FAAH: variants seen among roughly 807,000 people sequenced by gnomAD.
The protein encoded by FAAH is fatty acid amide hydrolase, also known as fatty-acid amide hydrolase 1.
A neutral mutation model predicts 69.7 loss-of-function variants in FAAH; 63 were observed. The ratio of observed to expected loss-of-function variants is 0.90; its 90% CI spans 0.74 to 1.12. FAAH has a LOEUF of 1.12. Among genes scored for constraint, FAAH ranks in the 50% most tolerant of loss-of-function variants. FAAH has a pLI of 0.00. For synonymous variants in FAAH, 305 were observed against 324.2 expected, an observed-to-expected ratio of 0.94 and a Z score of 0.64; for missense variants, 680 against 755.0, an observed-to-expected ratio of 0.90 and a Z score of 1.16.
chr1:46,409,363 C>T (rs1247098423), intron 9 of FAAH, 165 bp downstream of exon 9: 1 of 664,560 alleles, frequency 1.5e-6, no homozygotes, highest in South Asian at 1.5e-5. Flanking sequence ...CACATTGAGC[C>T]TGGAGATCCC....
Position 46,409,182 on chromosome 1 carries a change from A to T in FAAH, c.1159A>T (p.Thr387Ser), listed in dbSNP as rs1339225487. ...TGGLFSDGGH[T>S]FLQNFKGDFV... Reference sequence around the variant, plus strand: ...TGGGCTCTTCAGTGATGGTGGCCACACCTTCCTACAGAACTTGTGAGTGAT... The same window carrying T: ...TGGGCTCTTCAGTGATGGTGGCCACTCCTTCCTACAGAACTTGTGAGTGAT... Residue 387 changes from threonine (T) to serine (S), a missense_variant, in exon 9 of 15, where the codon ACC (threonine) becomes TCC (serine). Thr to Ser is a moderately conservative substitution (Grantham distance 58). Coordinates refer to ENST00000243167, the MANE Select transcript of FAAH (RefSeq NM_001441.3). 6.2e-7 allele frequency: 1 copy of T among 1,613,234 alleles called. No individual in the cohort carries two copies.
chr1:46,403,412 C>A (rs765449904), intron 2 of FAAH, among the ~76,000 whole-genome samples: 7 of 152,194 alleles, frequency 4.6e-5, no homozygotes, highest in Non-Finnish European at 7.3e-5. Flanking sequence ...TCTTCTTTTA[C>A]CCAGCCCTCT....
Position 46,394,515 on chromosome 1 carries a change from A to G in FAAH, c.167A>G (p.Asp56Gly). The change falls in exon 1 of 15, where the codon GAC becomes GGC. Residue 56 changes from aspartate to glycine, a missense_variant. Asp to Gly is a moderately conservative substitution (Grantham distance 94, BLOSUM62 -1). Transcript: ENST00000243167. ...QRQRAGLENM[D>G]RAAQRFRLQN... is the part of the protein sequence containing the mutation. ...CAGCGAGCGGGCCTGGAGAACATGG[A>G]CAGGGCGGCGCAGCGCTTCCGGCTC... 2.2e-6 allele frequency: 3 copies of G among 1,388,820 alleles called. No individual in the cohort carries two copies. The highest frequency in any genetic ancestry group is 2.8e-6 in the Non-Finnish European group (3 of 1,077,924). 86.0% of individuals were successfully genotyped at this position (1,388,820 alleles called of 1,614,324 possible). A position where few individuals can be genotyped will look rare whatever the true frequency, so the allele number is the denominator to read the frequency against.
Position 46,402,170 on chromosome 1 carries a change from C to G in FAAH, c.275C>G (p.Ala92Gly), listed in dbSNP as rs778364979. 3.1e-6 allele frequency: 5 copies of G among 1,607,226 alleles called. No homozygotes were observed. The South Asian group carries it at 4.5e-5, about 14-fold the overall frequency. ...LVQKLHSRELAPEAVLFTYVG... is the reference protein window; with the variant it reads ...LVQKLHSRELGPEAVLFTYVG... Reference sequence around the variant, plus strand: ...CAGAAGTTACACAGTAGAGAGCTGGCCCCTGAGGCCGTGCTCTTCACCTAT... The same window carrying G: ...CAGAAGTTACACAGTAGAGAGCTGGGCCCTGAGGCCGTGCTCTTCACCTAT... The change falls in exon 2 of 15, where the codon GCC (alanine) becomes GGC (glycine). Residue 92 changes from alanine (A) to glycine (G), a missense_variant. Ala to Gly is a moderately conservative substitution (Grantham distance 60). Coordinates refer to ENST00000243167, the MANE Select transcript of FAAH (RefSeq NM_001441.3).
At chr1:46,401,104 G>A (rs1451242660) in intron 1 of FAAH, among the ~76,000 whole-genome samples, 1 of 95,766 alleles carries the variant, frequency 1.0e-5, no homozygotes, top group Non-Finnish European at 2.2e-5. Context: ...GGGAGGGGAG[G>A]AGGGGGAAGC....
At position 46,405,506 on chromosome 1, in the gene FAAH, G is replaced by T; in HGVS notation, c.578+1G>T. 7.2e-7 allele frequency: 1 copy of T among 1,380,870 alleles called. No individual in the cohort carries two copies. Among genetic ancestry groups the T allele is most frequent in the Non-Finnish European group, 9.9e-7 (1 of 1,013,060 alleles). The allele number at this position is 1,380,870 out of a possible 1,614,324, so 85.5% of individuals were successfully genotyped here. ...CCAATGTTCCACAGTCCATGTTCAG[G>T]TTGGGTCTTGGGGTGGGGCGGGGCG... On this transcript the variant is annotated splice_donor_variant, in intron 4 of 14. Coordinates refer to ENST00000243167, the MANE Select transcript of FAAH (RefSeq NM_001441.3). LOFTEE classifies it high-confidence loss of function. This position sits in a 1 kb window ranked among gnomAD's most constrained non-coding sequence, Gnocchi z 4.1.
At chr1:46,403,033 C>T (rs1367584029) in intron 2 of FAAH, among the ~76,000 whole-genome samples, 1 of 152,082 alleles carries the variant, frequency 6.6e-6, no homozygotes, top group Non-Finnish European at 1.5e-5. Context: ...GGGGTTTCAC[C>T]ATGTTGATCA....
At chr1:46,403,617 G>C (rs1211828708) in intron 2 of FAAH, among the ~76,000 whole-genome samples, 2 of 152,236 alleles carry the variant, frequency 1.3e-5, no homozygotes, top group Non-Finnish European at 2.9e-5. Flanking sequence ...GCACTGGCTT[G>C]GGTGGGGCTC....
chr1:46,396,189 C>A (rs1664593793), intron 1 of FAAH, among the ~76,000 whole-genome samples: 1 of 152,058 alleles, frequency 6.6e-6, no homozygotes, highest in Middle Eastern at 3.4e-3. Flanking sequence ...TGTATGTAGG[C>A]CAGATTTATG....
chr1:46,406,051 A>C lies in FAAH; in HGVS notation c.799A>C (p.Lys267Gln), dbSNP rs1664788352. Residue 267 changes from lysine to glutamine, a missense_variant, in exon 6 of 15, where the codon AAG becomes CAG. Coordinates refer to ENST00000243167, the MANE Select transcript of FAAH (RefSeq NM_001441.3). ...TTTCTTATCCAGCAAGAGTGGCCTG[A>C]AGGGCTGTGTCTATGGACAGGAGGC... is the stretch of plus-strand genomic sequence containing the variant. The part of the protein sequence containing the change: ...TGNRLSKSGL[K>Q]GCVYGQEAVR... 1.9e-6 allele frequency: 3 copies of C among 1,614,170 alleles called. No homozygotes were observed. The highest frequency in any genetic ancestry group is 2.5e-6 in the Non-Finnish European group (3 of 1,180,034).
At chr1:46,397,929 ACT>A (rs1460253241) in intron 1 of FAAH, among the ~76,000 whole-genome samples, 4 of 124,312 alleles carry the variant, frequency 3.2e-5, no homozygotes, top group Non-Finnish European at 5.0e-5. Context: ...CTAGTCTTGA[ACT>A]CTTTTTTTTT....
At chr1:46,396,597 C>A (rs910374078) in intron 1 of FAAH, among the ~76,000 whole-genome samples, 1 of 143,438 alleles carries the variant, frequency 7.0e-6, no homozygotes, top group Non-Finnish European at 1.6e-5. Flanking sequence ...GGGAGAATGG[C>A]GATGACTTTT....
chr1:46,406,437 A>C (rs1664796630), intron 7 of FAAH, 69 bp downstream of exon 7: 3 of 1,603,138 alleles, frequency 1.9e-6, no homozygotes, highest in Non-Finnish European at 2.6e-6. Context: ...CCTTGTGGGC[A>C]GGCCTTGGAG....
At position 46,410,506 on chromosome 1, in the gene FAAH, A is replaced by G. The variant is rs759895580; in HGVS notation, c.1275+9A>G. ...TCCTGGTGAAGCCTCTGGTGAGGGC[A>G]CAAGGAGTGGAGGGGCTAGGATGGC... On this transcript the variant is annotated intron_variant, in intron 10 of 14. Transcript: ENST00000243167. The surrounding 1 kb of genome is among the most constrained non-coding windows in gnomAD (Gnocchi z 4.9). 6.2e-7 allele frequency: 1 copy of G among 1,612,558 alleles called. No individual in the cohort carries two copies. The highest frequency in any genetic ancestry group is 8.5e-7 in the Non-Finnish European group (1 of 1,178,676).
Position 46,405,741 on chromosome 1 carries a change from C to T in FAAH, c.732C>T (p.Phe244=), listed in dbSNP as rs755370514. Residue 244 remains phenylalanine, a synonymous_variant, in exon 5 of 15, where the codon TTC becomes TTT. Coordinates refer to ENST00000243167, the MANE Select transcript of FAAH (RefSeq NM_001441.3). This position sits in a 1 kb window ranked among gnomAD's most constrained non-coding sequence, Gnocchi z 4.1. ...LGTDIGGSIR[F]PSSFCGICGL... is the part of the protein sequence containing the mutation. ...CTGATATCGGAGGCAGCATCCGCTTCCCCTCCTCCTTCTGCGGCATCTGCG... is the reference window on the plus strand; with the variant it reads ...CTGATATCGGAGGCAGCATCCGCTTTCCCTCCTCCTTCTGCGGCATCTGCG... 1.9e-6 allele frequency: 3 copies of T among 1,613,536 alleles called. No homozygotes were observed. In the Admixed American group the frequency reaches 5.0e-5, roughly 27 times the overall value.
At chr1:46,394,852 A>G (rs1275988642) in intron 1 of FAAH, among the ~76,000 whole-genome samples, 1 of 152,234 alleles carries the variant, frequency 6.6e-6, no homozygotes, top group African/African-American at 2.4e-5. Flanking sequence ...AAGCGTGACA[A>G]CCAGTGGGAT....
At position 46,405,164 on chromosome 1, in the gene FAAH, G is replaced by A. The variant is rs772220242; in HGVS notation, c.444+16G>A. The stretch of plus-strand genomic sequence containing the variant: ...CACCTACAAGGTATGCTCTGCCTCA[G>A]CGCCAGGCCTCCATCGTCCCCTCCA... On this transcript the variant is annotated intron_variant, in intron 3 of 14. Coordinates refer to ENST00000243167, the MANE Select transcript of FAAH (RefSeq NM_001441.3). This position sits in a 1 kb window ranked among gnomAD's most constrained non-coding sequence, Gnocchi z 4.1. 14 of 1,613,448 alleles carry A rather than the reference G, an allele frequency of 8.7e-6. No individual in the cohort carries two copies. Among genetic ancestry groups the A allele is most frequent in the Non-Finnish European group, 1.2e-5 (14 of 1,180,050 alleles).
At position 46,404,457 on chromosome 1, in the gene FAAH, C is replaced by T. The variant is rs1168781754; in HGVS notation, c.310-557C>T. On this transcript the variant is annotated intron_variant, in intron 2 of 14. Coordinates refer to ENST00000243167, the MANE Select transcript of FAAH (RefSeq NM_001441.3). The surrounding 1 kb of genome is among the most constrained non-coding windows in gnomAD (Gnocchi z 4.5). The stretch of plus-strand genomic sequence containing the variant: ...GTTCTTCCCTTTTGTCAAGCTCCTA[C>T]TCCACATGGCTTGATTATCAAATTC... Among the ~76,000 whole-genome samples the T allele has an allele frequency of 2.6e-5, 4 of 152,218 alleles. No homozygotes were observed. The highest frequency in any genetic ancestry group is 9.7e-5 in the African/African-American group (4 of 41,446).
chr1:46,406,738 A>G (rs1444228678), intron 7 of FAAH, among the ~76,000 whole-genome samples: 1 of 151,438 alleles, frequency 6.6e-6, no homozygotes, highest in Non-Finnish European at 1.5e-5. Flanking sequence ...AGTAGCTGGG[A>G]CTACAGGCGC....
Sources: allele counts gnomAD v4.1 joint callset (sites outside exome capture counted in the v4.1 genomes callset), GRCh38; gene constraint gnomAD v4.1.1; non-coding constraint Gnocchi (gnomAD v3.1); transcripts MANE v1.5; gene names NCBI Gene and HGNC (gene_info 2026-07-23, HGNC 2026-07-21).